The following SNX3 variants were observed in gnomAD, a reference collection of about 807,000 sequenced individuals.
SNX3 encodes sorting nexin 3.
A neutral mutation model predicts 17.7 loss-of-function variants in SNX3; 5 were observed. That is an observed-to-expected ratio of 0.28 (90% CI 0.15 to 0.59). The LOEUF (loss-of-function observed/expected upper bound fraction) is 0.59. Among genes scored for constraint, SNX3 ranks in the 20% least tolerant of loss-of-function variants. The pLI is 0.88. For missense variants in SNX3, 132 were observed against 206.8 expected (o/e 0.64, Z 2.22); for synonymous variants, 91 against 76.5 (o/e 1.19, Z -0.99).
rs1197297549 is a variant in SNX3 at position 108,227,156 on chromosome 6, C to T, written c.163-4111G>A. On this transcript the variant is annotated intron_variant, in intron 1 of 3. Coordinates refer to ENST00000230085, the MANE Select transcript of SNX3 (RefSeq NM_003795.6). ...GGCTTTTTAACCAAGTTCACCCTTC[C>T]GCATTAAAATATTAAGTCTTTGTAA... 3.9e-5 allele frequency among the ~76,000 whole-genome samples: 6 copies of T among 152,118 alleles called. No homozygotes were observed. The South Asian group carries it at 6.2e-4, about 16-fold the overall frequency.
At chr6:108,233,209 C>T (rs988828551) in intron 1 of SNX3, among the ~76,000 whole-genome samples, 1 of 152,164 alleles carries the variant, frequency 6.6e-6, no homozygotes, top group Non-Finnish European at 1.5e-5. Context: ...GGAGAGCTCA[C>T]ACAAGGTTTT....
In SNX3 at chr6:108,228,478, G is replaced by A. The variant is rs550831635; in HGVS notation, c.163-5433C>T. ...GCAGAACTGCTTGAACCCGGGAAGCGGAGACTGCAGTGAACCAAGATTGCG... is the reference window on the plus strand; with the variant it reads ...GCAGAACTGCTTGAACCCGGGAAGCAGAGACTGCAGTGAACCAAGATTGCG... On this transcript the variant is annotated intron_variant, in intron 1 of 3. Transcript: ENST00000230085. 4.5e-4 allele frequency among the ~76,000 whole-genome samples: 69 copies of A among 152,102 alleles called. 3 individuals carry two copies. In the South Asian group the frequency reaches 0.014, roughly 30 times the overall value.
At chr6:108,217,214 CAA>C (rs1423178002) in intron 2 of SNX3, among the ~76,000 whole-genome samples, 5 of 150,726 alleles carry the variant, frequency 3.3e-5, no homozygotes, top group East Asian at 1.9e-4. Context: ...AAAAATGTAA[CAA>C]TATATATATA....
At chr6:108,258,186 G>A (rs1363390350) in intron 1 of SNX3, among the ~76,000 whole-genome samples, 6 of 151,602 alleles carry the variant, frequency 4.0e-5, no homozygotes, top group African/African-American at 1.2e-4. Flanking sequence ...CAGGCCAGGC[G>A]CGGTGGCTCA....
Position 108,228,839 on chromosome 6 carries a change from C to CA in SNX3, c.163-5795dup, listed in dbSNP as rs1002255414. Among the ~76,000 whole-genome samples, 234 of 151,862 alleles carry CA rather than the reference C, an allele frequency of 1.5e-3. 1 individual carries two copies. The highest frequency in any genetic ancestry group is 5.2e-3 in the African/African-American group (215 of 41,448). ...AAATATTTTAGCATTGTAATAGACA[C>CA]AAAAAAAAACCCCAAAAAAGACCAG... On this transcript the variant is annotated intron_variant, in intron 1 of 3. Transcript: ENST00000230085.
chr6:108,222,322 T>C (rs1774812097), intron 2 of SNX3: 1 of 1,303,916 alleles, frequency 7.7e-7, no homozygotes, highest in Non-Finnish European at 1.0e-6. Context: ...GAGGCAGGGC[T>C]GAAATGAGAG....
chr6:108,217,707 C>T (rs1562419306), intron 2 of SNX3, among the ~76,000 whole-genome samples: 1 of 148,814 alleles, frequency 6.7e-6, no homozygotes, highest in Non-Finnish European at 1.5e-5. Context: ...GCCGGGACTG[C>T]ACCACGGTAC....
rs774695268 is a variant in SNX3, at chr6:108,260,729, G to A, written c.162+31C>T. 2.5e-6 allele frequency: 4 copies of A among 1,612,946 alleles called. No individual in the cohort carries two copies. In the South Asian group the frequency reaches 4.4e-5, roughly 18 times the overall value. On this transcript the variant is annotated intron_variant, in intron 1 of 3. Coordinates refer to ENST00000230085, the MANE Select transcript of SNX3 (RefSeq NM_003795.6). ...GGGGTGACCAGAGCCAGCGGGAGGG[G>A]TTTCTTGGGAGAGGGGAGAGACGGC...
At chr6:108,250,778 G>C (rs531156075) in intron 1 of SNX3, among the ~76,000 whole-genome samples, 1 of 152,270 alleles carries the variant, frequency 6.6e-6, no homozygotes, top group South Asian at 2.1e-4. Context: ...ATAGGTGGCA[G>C]GTGCTAAAAT....
At chr6:108,249,341 G>A (rs890388912) in intron 1 of SNX3, among the ~76,000 whole-genome samples, 1 of 152,176 alleles carries the variant, frequency 6.6e-6, no homozygotes, top group African/African-American at 2.4e-5. Flanking sequence ...AGAATTGCTT[G>A]AACCTGGGAA....
chr6:108,237,438 T>C (rs558823038), intron 1 of SNX3, among the ~76,000 whole-genome samples: 1 of 152,292 alleles, frequency 6.6e-6, no homozygotes, highest in East Asian at 1.9e-4. Context: ...TCATTAGCCA[T>C]TAAAATGATG....
intron 1 of SNX3, among the ~76,000 whole-genome samples, chr6:108,236,444 C>G (rs559245590): frequency 2.8e-5 from 4 of 142,842 alleles, no homozygotes; most frequent in African/African-American, 1.0e-4. Context: ...AGTGCAGTGG[C>G]GGGATCTCGG....
chr6:108,236,440 G>C (rs965910599), intron 1 of SNX3, among the ~76,000 whole-genome samples: 1 of 146,000 alleles, frequency 6.8e-6, no homozygotes, highest in African/African-American at 2.5e-5. Context: ...CTGGAGTGCA[G>C]TGGCGGGATC....
chr6:108,218,963 C>T (rs1358024156), intron 2 of SNX3, among the ~76,000 whole-genome samples: 1 of 152,174 alleles, frequency 6.6e-6, no homozygotes, highest in Non-Finnish European at 1.5e-5. Flanking sequence ...GTGATGGTTG[C>T]ACAACTCTGT....
At chr6:108,227,375 G>A (rs1179647930) in intron 1 of SNX3, among the ~76,000 whole-genome samples, 1 of 152,126 alleles carries the variant, frequency 6.6e-6, no homozygotes, top group Non-Finnish European at 1.5e-5. Flanking sequence ...AGTCTATAAA[G>A]TTAATCTCTG....
In SNX3 at chr6:108,242,374, C is replaced by G. The variant is rs1279425647; in HGVS notation, c.162+18386G>C. ...AAAGAGATTCCCACCCAATAAACATCACAGTAAAAAGCCAAAGAAAAGCAA... is the reference window on the plus strand; with the variant it reads ...AAAGAGATTCCCACCCAATAAACATGACAGTAAAAAGCCAAAGAAAAGCAA... On this transcript the variant is annotated intron_variant, in intron 1 of 3. Coordinates refer to ENST00000230085, the MANE Select transcript of SNX3 (RefSeq NM_003795.6). Among the ~76,000 whole-genome samples the G allele has an allele frequency of 2.0e-5, 3 of 152,150 alleles. No homozygotes were observed. The East Asian group carries it at 5.8e-4, about 29-fold the overall frequency.
chr6:108,223,772 G>A (rs564563664), intron 1 of SNX3, among the ~76,000 whole-genome samples: 5 of 152,120 alleles, frequency 3.3e-5, no homozygotes, highest in South Asian at 2.1e-4. Context: ...AAAATGCTAC[G>A]CTTACAGGCC....
intron 3 of SNX3, among the ~76,000 whole-genome samples, chr6:108,213,699 A>G (rs940184229): frequency 1.3e-5 from 2 of 152,158 alleles, no homozygotes; most frequent in African/African-American, 4.8e-5. Flanking sequence ...TCCAAAAGGA[A>G]AACAGATTCA....
intron 1 of SNX3, among the ~76,000 whole-genome samples, chr6:108,246,320 T>A (rs1775689035): frequency 1.7e-5 from 2 of 115,030 alleles, no homozygotes; most frequent in Admixed American, 1.7e-4. Flanking sequence ...ATTCTTTTTT[T>A]TTTTTTTTTT....
Sources: gnomAD v4.1 joint callset for allele counts (sites outside exome capture counted in the v4.1 genomes callset) on GRCh38, gnomAD v4.1.1 for gene constraint, MANE v1.5 for transcripts, NCBI Gene and HGNC (gene_info 2026-07-23, HGNC 2026-07-21) for gene names.